The following ZFPM2 variants were observed in gnomAD, a reference collection of about 807,000 sequenced individuals.
ZFPM2 encodes the protein zinc finger protein ZFPM2.
Under a neutral mutation model 98.6 loss-of-function variants are expected in ZFPM2, and 20 were observed. That is an observed-to-expected ratio of 0.20 (90% CI 0.14 to 0.29). The LOEUF is 0.29. Among genes scored for constraint, ZFPM2 ranks in the 10% least tolerant of loss-of-function variants. The probability of loss-of-function intolerance (pLI) is 1.00; values close to 1 mark genes in which losing one functional copy is unlikely to be tolerated. For synonymous variants in ZFPM2, 518 were observed against 502.7 expected, an observed-to-expected ratio of 1.03 and a Z score of -0.41; for missense variants, 1,310 against 1,388.6, an observed-to-expected ratio of 0.94 and a Z score of 0.90.
chr8:105,439,020 G>GT (rs11461788), intron 2 of ZFPM2, among the ~76,000 whole-genome samples: 49,294 of 151,714 alleles, frequency 0.32, 9,616 homozygotes, highest in African/African-American at 0.55. Flanking sequence ...AGAAAGCACT[G>GT]TTTTTTTTAT....
At chr8:105,557,054 C>A (rs567310779) in intron 3 of ZFPM2, among the ~76,000 whole-genome samples, 2 of 152,136 alleles carry the variant, frequency 1.3e-5, no homozygotes, top group East Asian at 3.9e-4. Context: ...CATAAATTTT[C>A]AGATTCCTTG....
At position 105,351,764 on chromosome 8, in the gene ZFPM2, GT is replaced by G. The variant is rs879703647; in HGVS notation, c.40+32793del. On this transcript the variant is annotated intron_variant, in intron 1 of 7. Transcript: ENST00000407775. ...TTATTCTCTGAACCAAATATATGTT[GT>G]TTTTTTTTTAATATTCAAATTCATT... Among the ~76,000 whole-genome samples the G allele has an allele frequency of 7.7e-3, 1,126 of 146,798 alleles. 10 individuals carry two copies. Among genetic ancestry groups the G allele is most frequent in the African/African-American group, 0.026 (1,047 of 40,028 alleles).
At chr8:105,599,379 T>C (rs1257825419) in intron 4 of ZFPM2, among the ~76,000 whole-genome samples, 1 of 143,872 alleles carries the variant, frequency 7.0e-6, no homozygotes, top group Non-Finnish European at 1.5e-5. Context: ...TTTTTCTTTT[T>C]CTTTTCGTCT....
chr8:105,526,911 A>G (rs1814185637), intron 3 of ZFPM2, among the ~76,000 whole-genome samples: 1 of 151,978 alleles, frequency 6.6e-6, no homozygotes, highest in East Asian at 1.9e-4. Flanking sequence ...TTCACATCTT[A>G]GGTTGCCTCC....
chr8:105,496,941 C>G (rs1182968834), intron 3 of ZFPM2, among the ~76,000 whole-genome samples: 1 of 132,602 alleles, frequency 7.5e-6, no homozygotes, highest in African/African-American at 2.8e-5. Context: ...CAGATCTCGC[C>G]ACTGCACTCC....
Position 105,325,352 on chromosome 8 carries a change from G to C in ZFPM2, c.40+6371G>C, listed in dbSNP as rs571091736. Among the ~76,000 whole-genome samples, 17 of 151,912 alleles carry C rather than the reference G, an allele frequency of 1.1e-4. No homozygotes were observed. The South Asian group carries it at 3.1e-3, about 28-fold the overall frequency. ...CTTTAAAGGTATTAGCATAAAGATA[G>C]CACATTTGTTTATTATGCTTCCAAA... is the stretch of plus-strand genomic sequence containing the variant. On this transcript the variant is annotated intron_variant, in intron 1 of 7. Transcript: ENST00000407775.
intron 2 of ZFPM2, among the ~76,000 whole-genome samples, chr8:105,423,095 A>C (rs2099261148): frequency 2.0e-5 from 3 of 152,288 alleles, no homozygotes; most frequent in South Asian, 4.1e-4. Context: ...ATATTAGTAA[A>C]GTTTCTAGTT....
intron 1 of ZFPM2, among the ~76,000 whole-genome samples, chr8:105,361,021 T>C (rs1280819379): frequency 1.4e-5 from 2 of 145,418 alleles, no homozygotes; most frequent in South Asian, 2.3e-4. Flanking sequence ...ATGGTATTTC[T>C]AGTTCTAGAT....
At chr8:105,707,241 C>CAAA (rs113671142) in intron 5 of ZFPM2, among the ~76,000 whole-genome samples, 4 of 117,122 alleles carry the variant, frequency 3.4e-5, no homozygotes, top group African/African-American at 6.3e-5. Flanking sequence ...GACTTTGTCT[C>CAAA]AAAAAAAAAA....
At chr8:105,483,796 C>T (rs1267316814) in intron 3 of ZFPM2, among the ~76,000 whole-genome samples, 12 of 149,390 alleles carry the variant, frequency 8.0e-5, no homozygotes, top group Admixed American at 4.7e-4. Context: ...TCCAGTGGCG[C>T]GATCTTGGCT....
chr8:105,647,176 G>T (rs962848392), intron 5 of ZFPM2, among the ~76,000 whole-genome samples: 2 of 152,268 alleles, frequency 1.3e-5, no homozygotes, highest in East Asian at 1.9e-4. Flanking sequence ...TTCTGGCTGT[G>T]CTGTGTCATT....
chr8:105,550,563 A>C (rs1368129084), intron 3 of ZFPM2, among the ~76,000 whole-genome samples: 1 of 152,156 alleles, frequency 6.6e-6, no homozygotes, highest in Non-Finnish European at 1.5e-5. Flanking sequence ...AGCATTGTGG[A>C]GATATCTAGA....
Position 105,778,084 on chromosome 8 carries a change from T to A in ZFPM2, c.533-10634T>A, listed in dbSNP as rs536785071. On this transcript the variant is annotated intron_variant, in intron 5 of 7. Coordinates refer to ENST00000407775, the MANE Select transcript of ZFPM2 (RefSeq NM_012082.4). ...GGCACAAAGAAACCTCCAAAGCGGT[T>A]TTCAAAGAAGGGGCACCCATAATTT... 4.6e-5 allele frequency among the ~76,000 whole-genome samples: 7 copies of A among 152,294 alleles called. No individual in the cohort carries two copies. The East Asian group carries it at 1.4e-3, about 29-fold the overall frequency.
intron 2 of ZFPM2, among the ~76,000 whole-genome samples, chr8:105,443,737 C>A (rs935495339): frequency 1.3e-5 from 2 of 152,146 alleles, no homozygotes; most frequent in Admixed American, 6.5e-5. Flanking sequence ...GGAGTTGAGT[C>A]ACTGGCTAAT....
chr8:105,493,615 G>A (rs1813399064), intron 3 of ZFPM2, among the ~76,000 whole-genome samples: 1 of 152,134 alleles, frequency 6.6e-6, no homozygotes, highest in Admixed American at 6.6e-5. Flanking sequence ...CTTGGTCTCA[G>A]TTCCACTTGC....
intron 1 of ZFPM2, among the ~76,000 whole-genome samples, chr8:105,390,349 A>G (rs1284611850): frequency 1.3e-5 from 2 of 152,212 alleles, no homozygotes; most frequent in Non-Finnish European, 2.9e-5. Flanking sequence ...ACAATAAAAA[A>G]GCAGAACCTC....
intron 3 of ZFPM2, among the ~76,000 whole-genome samples, chr8:105,537,114 CAG>C (rs1292450330): frequency 1.3e-5 from 2 of 152,088 alleles, no homozygotes; most frequent in East Asian, 3.9e-4. Context: ...GAAAGTCTAC[CAG>C]AGTCTCATTT....
At chr8:105,465,066 T>A (rs1416692284) in intron 3 of ZFPM2, among the ~76,000 whole-genome samples, 1 of 152,030 alleles carries the variant, frequency 6.6e-6, no homozygotes, top group African/African-American at 2.4e-5. Context: ...ATTCTTGATT[T>A]TGCCCTTTGA....
intron 3 of ZFPM2, among the ~76,000 whole-genome samples, chr8:105,554,987 T>C (rs1814952208): frequency 6.6e-6 from 1 of 152,156 alleles, no homozygotes; most frequent in South Asian, 2.1e-4. Flanking sequence ...TTTAAGTATT[T>C]CTCTCCACCA....
Sources: gnomAD v4.1 joint callset for allele counts (sites outside exome capture counted in the v4.1 genomes callset) on GRCh38, gnomAD v4.1.1 for gene constraint, MANE v1.5 for transcripts, NCBI Gene and HGNC (gene_info 2026-07-23, HGNC 2026-07-21) for gene names.